The following ARFGEF3 variants were observed in gnomAD, a reference collection of about 807,000 sequenced individuals.
The protein encoded by ARFGEF3 is brefeldin A-inhibited guanine nucleotide-exchange protein 3.
In ARFGEF3, 96 loss-of-function variants were observed where a neutral mutation model predicts 221.7. The ratio of observed to expected loss-of-function variants is 0.43; its 90% CI spans 0.37 to 0.51. ARFGEF3 has a LOEUF of 0.51. Ranked by LOEUF, ARFGEF3 falls within the 20% of genes least tolerant of loss-of-function variation. The pLI, the probability that ARFGEF3 is intolerant of heterozygous loss-of-function variation, is 0.00. For synonymous variants in ARFGEF3, 1,145 were observed against 1,126.8 expected, an observed-to-expected ratio of 1.02 and a Z score of -0.32; for missense variants, 2,410 against 2,789.9, an observed-to-expected ratio of 0.86 and a Z score of 3.07.
chr6:138,274,448 T>C (rs1410649617), intron 12 of ARFGEF3, among the ~76,000 whole-genome samples: 1 of 152,174 alleles, frequency 6.6e-6, no homozygotes, highest in Non-Finnish European at 1.5e-5. Context: ...ACTGCTCATG[T>C]TCTAACCAAG....
intron 24 of ARFGEF3, among the ~76,000 whole-genome samples, chr6:138,309,875 C>T (rs1010739062): frequency 6.6e-6 from 1 of 152,198 alleles, no homozygotes; most frequent in Non-Finnish European, 1.5e-5. Flanking sequence ...TGTCTGCCTA[C>T]ACTGGGTGAG....
chr6:138,225,639 G>A (rs1334640019), intron 4 of ARFGEF3, among the ~76,000 whole-genome samples: 1 of 152,182 alleles, frequency 6.6e-6, no homozygotes, highest in Non-Finnish European at 1.5e-5. Context: ...AGTGAATAAT[G>A]ACTGGAATTG....
In ARFGEF3 at chr6:138,289,325, A is replaced by C. The variant is rs140188331; in HGVS notation, c.2897-493A>C. Among the ~76,000 whole-genome samples, 14 of 152,352 alleles carry C rather than the reference A, an allele frequency of 9.2e-5. No individual in the cohort carries two copies. The East Asian group carries it at 2.7e-3, about 29-fold the overall frequency. On this transcript the variant is annotated intron_variant, in intron 17 of 33. Coordinates refer to ENST00000251691, the MANE Select transcript of ARFGEF3 (RefSeq NM_020340.5). ...GGATGAAATGAAATTGGTCATTTTC[A>C]GTGATAGAGCAGTCATTCTGGTGCT... is the stretch of plus-strand genomic sequence containing the variant.
chr6:138,203,039 C>A (rs968916017), intron 2 of ARFGEF3, among the ~76,000 whole-genome samples: 2 of 152,048 alleles, frequency 1.3e-5, no homozygotes, highest in Non-Finnish European at 1.5e-5. Context: ...AGCTCTTTAC[C>A]CTAAGGATAG....
chr6:138,253,303 A>C (rs1292721779), intron 8 of ARFGEF3, among the ~76,000 whole-genome samples: 2 of 143,354 alleles, frequency 1.4e-5, no homozygotes, highest in African/African-American at 5.8e-5. Context: ...TAAAAAGTAA[A>C]GTTTATTAGT....
At chr6:138,294,939 A>G (rs951296947) in intron 20 of ARFGEF3, among the ~76,000 whole-genome samples, 8 of 151,996 alleles carry the variant, frequency 5.3e-5, no homozygotes, top group Non-Finnish European at 1.0e-4. Context: ...AGTATATTTG[A>G]TTTTTTCACC....
At position 138,204,339 on chromosome 6, in the gene ARFGEF3, CAA is replaced by C. The variant is rs11336345; in HGVS notation, c.138-2679_138-2678del. ...GGCAACAGGAATGAAACTCCATCTCCAAAAAAAAAAAAAAAAAAAAAAAAAGA... is the reference window on the plus strand; with the variant it reads ...GGCAACAGGAATGAAACTCCATCTCCAAAAAAAAAAAAAAAAAAAAAAAGA... On this transcript the variant is annotated intron_variant, in intron 2 of 33. Transcript: ENST00000251691. Among the ~76,000 whole-genome samples the C allele has an allele frequency of 7.5e-3, 450 of 60,386 alleles. 1 individual carries two copies. Among genetic ancestry groups the C allele is most frequent in the South Asian group, 0.038 (44 of 1,146 alleles). The allele number at this position is 60,386 out of a possible 152,430, so 39.6% of individuals were successfully genotyped here.
At chr6:138,172,723 G>T (rs1425214297) in intron 2 of ARFGEF3, among the ~76,000 whole-genome samples, 2 of 152,128 alleles carry the variant, frequency 1.3e-5, no homozygotes, top group Non-Finnish European at 2.9e-5. Context: ...TATGGAATTG[G>T]TGCTAAATTC....
In ARFGEF3 at chr6:138,256,936, C is replaced by T. The variant is rs1008603028; in HGVS notation, c.1104+1167C>T. ...AGTAGCTGGGACCACAGCTGCATGACACCACACCTGGCTAATTTTTGTATT... is the reference window on the plus strand; with the variant it reads ...AGTAGCTGGGACCACAGCTGCATGATACCACACCTGGCTAATTTTTGTATT... On this transcript the variant is annotated intron_variant, in intron 10 of 33. Transcript: ENST00000251691. Among the ~76,000 whole-genome samples the T allele has an allele frequency of 2.6e-5, 4 of 152,122 alleles. 1 individual carries two copies. In the Middle Eastern group the frequency reaches 0.014, roughly 517 times the overall value.
At chr6:138,330,766 G>T (rs553598198) in intron 32 of ARFGEF3, among the ~76,000 whole-genome samples, 9 of 152,226 alleles carry the variant, frequency 5.9e-5, no homozygotes, top group African/African-American at 1.9e-4. Context: ...AATAATTTTT[G>T]GGGTCAATTA....
chr6:138,336,601 A>G lies in ARFGEF3; in HGVS notation c.*115A>G, dbSNP rs1780330902. 2 of 807,452 alleles carry G rather than the reference A, an allele frequency of 2.5e-6. No homozygotes were observed. The highest frequency in any genetic ancestry group is 3.8e-6 in the Non-Finnish European group (2 of 531,178). 50.0% of individuals were successfully genotyped at this position (807,452 alleles called of 1,614,324 possible). A position where few individuals can be genotyped will look rare whatever the true frequency, so the allele number is the denominator to read the frequency against. The stretch of plus-strand genomic sequence containing the variant: ...CCACTTAAACTACTACTACTGTCTC[A>G]GAGAACAGTGTTTCCTAATGTAAAA... On this transcript the variant is annotated 3_prime_UTR_variant, in exon 34 of 34. Coordinates refer to ENST00000251691, the MANE Select transcript of ARFGEF3 (RefSeq NM_020340.5).
rs759380037 is a variant in ARFGEF3, at chr6:138,335,140, C to T, written c.6294C>T (p.Thr2098=). 3 of 1,588,596 alleles carry T rather than the reference C, an allele frequency of 1.9e-6. No individual in the cohort carries two copies. Among genetic ancestry groups the T allele is most frequent in the East Asian group, 2.3e-5 (1 of 44,368 alleles). Residue 2098 remains threonine (T), a synonymous_variant, in exon 33 of 34, where the codon ACC becomes ACT. Transcript: ENST00000251691. Reference sequence around the variant, plus strand: ...ACAAGAGGCCCCGCTCAGGCTCCACCGGGAGCTCCCTCAGTGTCTCGGTGA... The same window carrying T: ...ACAAGAGGCCCCGCTCAGGCTCCACTGGGAGCTCCCTCAGTGTCTCGGTGA... ...RQDKRPRSGS[T]GSSLSVSVRD...
At chr6:138,310,188 C>A (rs1055083274) in intron 24 of ARFGEF3, among the ~76,000 whole-genome samples, 2 of 152,158 alleles carry the variant, frequency 1.3e-5, no homozygotes, top group African/African-American at 2.4e-5. Context: ...GACTTGGATG[C>A]GTTCAAATAC....
chr6:138,269,985 T>A (rs991617780), intron 12 of ARFGEF3, among the ~76,000 whole-genome samples: 21 of 152,110 alleles, frequency 1.4e-4, no homozygotes, highest in African/African-American at 4.3e-4. Context: ...GGTTTCCTCA[T>A]GAACTGAGAC....
At chr6:138,166,690 GA>G (rs1331905609) in intron 1 of ARFGEF3, among the ~76,000 whole-genome samples, 1 of 152,168 alleles carries the variant, frequency 6.6e-6, no homozygotes, top group East Asian at 1.9e-4. Context: ...GTGGTGGGAT[GA>G]AATAGAATTG....
intron 2 of ARFGEF3, among the ~76,000 whole-genome samples, chr6:138,187,539 G>A (rs370512532): frequency 6.6e-6 from 1 of 152,208 alleles, no homozygotes; most frequent in East Asian, 1.9e-4. Context: ...CAATTGGGTA[G>A]CGCCCAGCCT....
Position 138,162,267 on chromosome 6 carries a change from A to G in ARFGEF3, c.85+96A>G, listed in dbSNP as rs914517667. The G allele has an allele frequency of 3.7e-6, 3 of 821,342 alleles. No individual in the cohort carries two copies. The highest frequency in any genetic ancestry group is 3.7e-5 in the African/African-American group (2 of 54,642). 50.9% of individuals were successfully genotyped at this position (821,342 alleles called of 1,614,324 possible). A position where few individuals can be genotyped will look rare whatever the true frequency, so the allele number is the denominator to read the frequency against. ...GTGGGGCTTTCGCGGAGCGTCGGTC[A>G]TGGGTGCCGTTCTGGCGATTGCGAG... On this transcript the variant is annotated intron_variant, in intron 1 of 33. Transcript: ENST00000251691. The surrounding 1 kb of genome is among the most constrained non-coding windows in gnomAD (Gnocchi z 4.7).
At chr6:138,186,885 T>G (rs1232311300) in intron 2 of ARFGEF3, among the ~76,000 whole-genome samples, 1 of 150,928 alleles carries the variant, frequency 6.6e-6, no homozygotes, top group Non-Finnish European at 1.5e-5. Context: ...CCACGAGTTA[T>G]TCCTCTCATC....
At chr6:138,275,488 C>T (rs1466992277) in intron 12 of ARFGEF3, among the ~76,000 whole-genome samples, 1 of 152,032 alleles carries the variant, frequency 6.6e-6, no homozygotes, top group Non-Finnish European at 1.5e-5. Flanking sequence ...TGGTGGCTCA[C>T]ACCTGTAATC....
Sources: gnomAD v4.1 joint callset for allele counts (sites outside exome capture counted in the v4.1 genomes callset) on GRCh38, gnomAD v4.1.1 for gene constraint, Gnocchi (gnomAD v3.1) non-coding constraint, MANE v1.5 for transcripts, NCBI Gene and HGNC (gene_info 2026-07-23, HGNC 2026-07-21) for gene names.